The following LRCH1 variants were observed in gnomAD, a reference collection of about 807,000 sequenced individuals.
The protein encoded by LRCH1 is leucine rich repeats and calponin homology domain containing 1, also known as leucine-rich repeat and calponin homology domain-containing protein 1.
A neutral mutation model predicts 94.9 loss-of-function variants in LRCH1; 23 were observed. That is an observed-to-expected ratio of 0.24 (90% CI 0.17 to 0.34). LRCH1 has a LOEUF of 0.34. Ranked by LOEUF, LRCH1 falls within the 10% of genes least tolerant of loss-of-function variation. The pLI, the probability that LRCH1 is intolerant of heterozygous loss-of-function variation, is 1.00. For synonymous variants in LRCH1, 364 were observed against 354.9 expected, an observed-to-expected ratio of 1.03 and a Z score of -0.29; for missense variants, 790 against 945.9, an observed-to-expected ratio of 0.84 and a Z score of 2.16.
intron 2 of LRCH1, among the ~76,000 whole-genome samples, chr13:46,659,553 A>C (rs1222132840): frequency 6.6e-6 from 1 of 152,148 alleles, no homozygotes; most frequent in Admixed American, 6.5e-5. Context: ...AACTATTGGA[A>C]CAGGTCTGTA....
At position 46,743,435 on chromosome 13, in the gene LRCH1, T is replaced by C. The variant is rs1873764901; in HGVS notation, c.*1587T>C. ...TGAAATGCAGGGTATGTGGAAGTTATCTAATTAACCTCAGTTGTATATGAA... is the reference window on the plus strand; with the variant it reads ...TGAAATGCAGGGTATGTGGAAGTTACCTAATTAACCTCAGTTGTATATGAA... On this transcript the variant is annotated 3_prime_UTR_variant, in exon 20 of 20. Transcript: ENST00000389797. The C allele has an allele frequency of 1.0e-6, 1 of 985,878 alleles. No homozygotes were observed. The highest frequency in any genetic ancestry group is 1.2e-6 in the Non-Finnish European group (1 of 829,934). 61.1% of individuals were successfully genotyped at this position (985,878 alleles called of 1,614,324 possible).
At chr13:46,684,679 G>A (rs780021176) in intron 4 of LRCH1, among the ~76,000 whole-genome samples, 2 of 152,146 alleles carry the variant, frequency 1.3e-5, no homozygotes, top group African/African-American at 2.4e-5. Context: ...AGGGGATCTT[G>A]CTTTTCCTAT....
At chr13:46,656,051 A>G (rs1166619877) in intron 2 of LRCH1, among the ~76,000 whole-genome samples, 1 of 152,172 alleles carries the variant, frequency 6.6e-6, no homozygotes, top group Non-Finnish European at 1.5e-5. Context: ...GCAGCCTGGC[A>G]TTCTTTTCGG....
In LRCH1 at chr13:46,632,714, C is replaced by T. The variant is rs561428223; in HGVS notation, c.308-17487C>T. Among the ~76,000 whole-genome samples the T allele has an allele frequency of 4.6e-5, 7 of 152,102 alleles. No individual in the cohort carries two copies. The South Asian group carries it at 1.5e-3, about 32-fold the overall frequency. On this transcript the variant is annotated intron_variant, in intron 1 of 19. Transcript: ENST00000389797. ...AACCCTTGTTTAAAAAAAATATGAG[C>T]AACAATTATTTGTTATTCATGAATT...
At chr13:46,700,171 G>A (rs544781708) in intron 10 of LRCH1, among the ~76,000 whole-genome samples, 2 of 152,304 alleles carry the variant, frequency 1.3e-5, no homozygotes, top group South Asian at 4.1e-4. Flanking sequence ...ATAGAGTATA[G>A]TTTTTGTTCC....
chr13:46,554,427 G>T (rs1006033910), intron 1 of LRCH1, among the ~76,000 whole-genome samples: 1 of 152,112 alleles, frequency 6.6e-6, no homozygotes, highest in Non-Finnish European at 1.5e-5. Flanking sequence ...CGCCCACACA[G>T]TTTGGGTCCT....
chr13:46,656,313 A>G (rs1194266188), intron 2 of LRCH1, among the ~76,000 whole-genome samples: 2 of 152,208 alleles, frequency 1.3e-5, no homozygotes, highest in Non-Finnish European at 2.9e-5. Flanking sequence ...GAAAGTCTCA[A>G]TTGTAGGCTA....
chr13:46,741,799 T>G lies in LRCH1; in HGVS notation c.2243T>G (p.Phe748Cys). 1 of 1,614,188 alleles carries G rather than the reference T, an allele frequency of 6.2e-7. No homozygotes were observed. Among genetic ancestry groups the G allele is most frequent in the Non-Finnish European group, 8.5e-7 (1 of 1,180,032 alleles). Residue 748 changes from phenylalanine to cysteine, a missense_variant, in exon 20 of 20, where the codon TTT (phenylalanine) becomes TGT (cysteine). Physicochemically the swap from Phe to Cys is radical, Grantham distance 205 (BLOSUM62 -2). Around this residue, in one of 3 missense-constraint regions of LRCH1, gnomAD observed 460 missense variants for 508.9 expected, o/e 0.90. Coordinates refer to ENST00000389797, the MANE Select transcript of LRCH1 (RefSeq NM_001164211.2). ...GGCTTCTGTCTTGTCCATATTCTCTTTATAGTGCTGGTCTATATCACTTAC... is the reference window on the plus strand; with the variant it reads ...GGCTTCTGTCTTGTCCATATTCTCTGTATAGTGCTGGTCTATATCACTTAC... ...LIGFCLVHIL[F>C]IVLVYITYHW...
chr13:46,558,452 T>C (rs2050090311), intron 1 of LRCH1, among the ~76,000 whole-genome samples: 1 of 151,374 alleles, frequency 6.6e-6, no homozygotes, highest in African/African-American at 2.4e-5. Context: ...AACCTGACAG[T>C]TGGCCGGGTG....
intron 1 of LRCH1, among the ~76,000 whole-genome samples, chr13:46,637,259 C>T (rs1297383476): frequency 6.6e-6 from 1 of 152,218 alleles, no homozygotes; most frequent in East Asian, 1.9e-4. Context: ...TCAGGTCTAA[C>T]CACCATCTTA....
Position 46,689,126 on chromosome 13 carries a change from A to G in LRCH1, c.951-7A>G, listed in dbSNP as rs374099679. On this transcript the variant is annotated splice_region_variant and splice_polypyrimidine_tract_variant and intron_variant, in intron 6 of 19. Coordinates refer to ENST00000389797, the MANE Select transcript of LRCH1 (RefSeq NM_001164211.2). The stretch of plus-strand genomic sequence containing the variant: ...AATGAATTCAATATTGATGGCATCT[A>G]TCTCAGCAAGAAGGATTCTGATTCG... 1.1e-5 allele frequency: 17 copies of G among 1,605,586 alleles called. No homozygotes were observed. Among genetic ancestry groups the G allele is most frequent in the South Asian group, 7.8e-5 (7 of 89,834 alleles).
At chr13:46,659,982 G>C (rs1006941952) in intron 2 of LRCH1, among the ~76,000 whole-genome samples, 5 of 150,012 alleles carry the variant, frequency 3.3e-5, no homozygotes, top group African/African-American at 1.2e-4. Context: ...ATTCCACCTT[G>C]CATGATAAGA....
chr13:46,674,846 T>C (rs1393948385), intron 3 of LRCH1, among the ~76,000 whole-genome samples: 2 of 152,042 alleles, frequency 1.3e-5, no homozygotes, highest in Non-Finnish European at 2.9e-5. Flanking sequence ...CAAAACCAGG[T>C]TTTTTAATCA....
chr13:46,606,560 CTTGTT>C (rs1042350202), intron 1 of LRCH1, among the ~76,000 whole-genome samples: 35 of 152,072 alleles, frequency 2.3e-4, no homozygotes, highest in African/African-American at 7.7e-4. Flanking sequence ...TGAAATAAGT[CTTGTT>C]TTGTTTTGTT....
chr13:46,677,867 T>C (rs970141660), intron 3 of LRCH1, among the ~76,000 whole-genome samples: 1 of 152,200 alleles, frequency 6.6e-6, no homozygotes, highest in East Asian at 1.9e-4. Flanking sequence ...TCAGTAAATA[T>C]TTATAACATG....
intron 1 of LRCH1, among the ~76,000 whole-genome samples, chr13:46,625,637 T>TTC (rs1555274727): frequency 2.0e-5 from 3 of 149,748 alleles, no homozygotes; most frequent in Non-Finnish European, 4.5e-5. Flanking sequence ...GTGGGGTTTT[T>TTC]TTTTTTTTTT....
At chr13:46,727,921 C>CTTTCTTTCTTTCT (rs764138424) in intron 17 of LRCH1, among the ~76,000 whole-genome samples, 16 of 146,382 alleles carry the variant, frequency 1.1e-4, no homozygotes, top group African/African-American at 4.0e-4. Flanking sequence ...TTCTTTCTTT[C>CTTTCTTTCTTTCT]TTTTTTTTTT....
At chr13:46,660,167 A>T (rs1162567786) in intron 2 of LRCH1, among the ~76,000 whole-genome samples, 1 of 149,262 alleles carries the variant, frequency 6.7e-6, no homozygotes, top group Non-Finnish European at 1.5e-5. Flanking sequence ...GCCCGCCACC[A>T]CGCCCGGCTA....
At chr13:46,691,706 T>C (rs1227318142) in intron 7 of LRCH1, among the ~76,000 whole-genome samples, 1 of 152,182 alleles carries the variant, frequency 6.6e-6, no homozygotes, top group Non-Finnish European at 1.5e-5. Flanking sequence ...TTTTTGTTTT[T>C]TTAAGACGGA....
Sources: allele counts gnomAD v4.1 joint callset (sites outside exome capture counted in the v4.1 genomes callset), GRCh38; gene constraint gnomAD v4.1.1; regional missense constraint gnomAD v4.1.1; transcripts MANE v1.5; gene names NCBI Gene and HGNC (gene_info 2026-07-23, HGNC 2026-07-21).